MTIF3: variants seen among roughly 807,000 people sequenced by gnomAD.
MTIF3 encodes mitochondrial translational initiation factor 3.
Under a neutral mutation model 20.7 loss-of-function variants are expected in MTIF3, and 13 were observed. The observed-to-expected ratio is 0.63, with a 90% CI of 0.41 to 1.00. The LOEUF (loss-of-function observed/expected upper bound fraction) is 1.00, where lower values mean the gene tolerates loss of function less well. MTIF3 is among the 50% of genes least tolerant of loss of function. The probability of loss-of-function intolerance (pLI) is 0.00; values close to 1 mark genes in which losing one functional copy is unlikely to be tolerated. For synonymous variants in MTIF3, 114 were observed against 112.5 expected (o/e 1.01, Z -0.08); for missense variants, 295 against 324.5 (o/e 0.91, Z 0.70).
At position 27,440,080 on chromosome 13, in the gene MTIF3, T is replaced by C; in HGVS notation, c.369A>G (p.Thr123=). ...TCATGAGCTGATACTCTGCAGGTTC[T>C]GTGCTGGTGTTCCTTTGAACCAGTC... is the stretch of plus-strand genomic sequence containing the variant. ...DLRLVQRNTS[T]EPAEYQLMTG... The change falls in exon 3 of 5, where the codon ACA becomes ACG. Residue 123 remains threonine (T), a synonymous_variant. Transcript: ENST00000381120. 1 of 1,614,240 alleles carries C rather than the reference T, an allele frequency of 6.2e-7. No homozygotes were observed. The highest frequency in any genetic ancestry group is 8.5e-7 in the Non-Finnish European group (1 of 1,180,040).
In MTIF3 at chr13:27,436,965, T is replaced by A. The variant is rs7321233; in HGVS notation, c.618+151A>T. The A allele has an allele frequency of 7.9e-3, 5,108 of 642,630 alleles. 157 individuals are homozygous for A. Among genetic ancestry groups the A allele is most frequent in the African/African-American group, 0.071 (3,876 of 54,414 alleles). 39.8% of individuals were successfully genotyped at this position (642,630 alleles called of 1,614,324 possible). A position where few individuals can be genotyped will look rare whatever the true frequency, so the allele number is the denominator to read the frequency against. ...ACGGGGTTTCACCATGTTAGCCAGG[T>A]TGGTCTCAATCTCCTGATCTCGTGA... On this transcript the variant is annotated intron_variant, in intron 4 of 4. Coordinates refer to ENST00000381120, the MANE Select transcript of MTIF3 (RefSeq NM_152912.5).
chr13:27,440,146 G>C lies in MTIF3; in HGVS notation c.303C>G (p.His101Gln), dbSNP rs1011308597. The change falls in exon 3 of 5, where the codon CAC becomes CAG. Residue 101 changes from histidine (H) to glutamine (Q), a missense_variant. Coordinates refer to ENST00000381120, the MANE Select transcript of MTIF3 (RefSeq NM_152912.5). Reference protein sequence around the residue: ...DEKGNDLGNMHRANVIRLMDE... With the variant: ...DEKGNDLGNMQRANVIRLMDE... ...CCATAAGTCTAATCACATTTGCTCG[G>C]TGCATGTTTCCCAAATCATTGCCCT... 1 of 1,614,074 alleles carries C rather than the reference G, an allele frequency of 6.2e-7. No homozygotes were observed. The highest frequency in any genetic ancestry group is 8.5e-7 in the Non-Finnish European group (1 of 1,180,050).
At chr13:27,446,906 G>A (rs1448909325) in intron 1 of MTIF3, among the ~76,000 whole-genome samples, 1 of 152,148 alleles carries the variant, frequency 6.6e-6, no homozygotes, top group East Asian at 1.9e-4. Flanking sequence ...TTCGGGTGAT[G>A]GTGCACTAAA....
At chr13:27,441,040 T>C in intron 2 of MTIF3, 1 of 160,884 alleles carries the variant, frequency 6.2e-6, no homozygotes, top group Admixed American at 6.2e-5. Flanking sequence ...TGGATCACCA[T>C]AAAGGTCTTC....
chr13:27,444,054 A>T (rs528732465), intron 2 of MTIF3, among the ~76,000 whole-genome samples: 3 of 152,376 alleles, frequency 2.0e-5, no homozygotes, highest in African/African-American at 7.2e-5. Context: ...CTGTAACCCC[A>T]GCACTTTGGG....
At chr13:27,437,549 A>G (rs2892058) in intron 3 of MTIF3, among the ~76,000 whole-genome samples, 10,177 of 152,306 alleles carry the variant, frequency 0.067, 1,065 homozygotes, top group East Asian at 0.46. Context: ...AGTCGTTTAA[A>G]GGATCAAGTT....
intron 2 of MTIF3, 151 bp from the exon 3 acceptor site, chr13:27,440,600 A>C (rs1953974597): frequency 6.1e-6 from 4 of 650,662 alleles, no homozygotes; most frequent in Non-Finnish European, 1.0e-5. Flanking sequence ...AGATCCACAC[A>C]CAGGAAGTCT....
chr13:27,440,602 AG>A (rs747042018), intron 2 of MTIF3, 153 bp from the exon 3 acceptor site: 7 of 648,396 alleles, frequency 1.1e-5, no homozygotes, highest in East Asian at 2.7e-5. Flanking sequence ...ATCCACACAC[AG>A]GAAGTCTACA....
chr13:27,442,615 T>C (rs1285565142), intron 2 of MTIF3, among the ~76,000 whole-genome samples: 1 of 152,216 alleles, frequency 6.6e-6, no homozygotes, highest in African/African-American at 2.4e-5. Context: ...GCCTCCTTGC[T>C]GTTCCTTGTG....
intron 2 of MTIF3, among the ~76,000 whole-genome samples, chr13:27,441,508 A>G (rs1339156783): frequency 1.3e-5 from 2 of 152,238 alleles, no homozygotes; most frequent in Non-Finnish European, 2.9e-5. Context: ...AAGGTAAGGC[A>G]GGTGTTAATT....
chr13:27,441,945 T>C (rs565271405), intron 2 of MTIF3, among the ~76,000 whole-genome samples: 6 of 152,284 alleles, frequency 3.9e-5, no homozygotes, highest in African/African-American at 1.4e-4. Flanking sequence ...ATATGGTAAA[T>C]TCAACAGAAA....
chr13:27,440,034 C>G lies in MTIF3; in HGVS notation c.415G>C (p.Glu139Gln). The change falls in exon 3 of 5, where the codon GAG (glutamate) becomes CAG (glutamine). Residue 139 changes from glutamate (E) to glutamine (Q), a missense_variant. Transcript: ENST00000381120. ...TCCATCTCCCTCAGCCTCTGCCGCTCCTGGAGGATCTGCAATCCTGTCATG... is the reference window on the plus strand; with the variant it reads ...TCCATCTCCCTCAGCCTCTGCCGCTGCTGGAGGATCTGCAATCCTGTCATG... ...QLMTGLQILQERQRLREMEKA... is the reference protein window; with the variant it reads ...QLMTGLQILQQRQRLREMEKA... 1 of 1,614,204 alleles carries G rather than the reference C, an allele frequency of 6.2e-7. No individual in the cohort carries two copies. Among genetic ancestry groups the G allele is most frequent in the Non-Finnish European group, 8.5e-7 (1 of 1,180,034 alleles).
intron 1 of MTIF3, chr13:27,450,178 A>C (rs1238139598): frequency 6.6e-6 from 1 of 152,258 alleles, no homozygotes; most frequent in Non-Finnish European, 1.5e-5. Context: ...AGGGCTAGAG[A>C]CGGGACGTAG....
intron 2 of MTIF3, among the ~76,000 whole-genome samples, chr13:27,442,729 C>T (rs1160940032): frequency 6.6e-6 from 1 of 152,188 alleles, no homozygotes; most frequent in Non-Finnish European, 1.5e-5. Flanking sequence ...CTCGTCTCTG[C>T]TCAAACGCTA....
At chr13:27,449,910 CG>C (rs1954303632) in intron 1 of MTIF3, 1 of 152,266 alleles carries the variant, frequency 6.6e-6, no homozygotes, top group Non-Finnish European at 1.5e-5. Context: ...TCTTAAGCCA[CG>C]GAGCCCACTA....
At chr13:27,438,208 C>T (rs111848743) in intron 3 of MTIF3, among the ~76,000 whole-genome samples, 1 of 150,562 alleles carries the variant, frequency 6.6e-6, no homozygotes, top group African/African-American at 2.4e-5. Flanking sequence ...AGATTGGGGG[C>T]CAGGTGTGCT....
Position 27,435,879 on chromosome 13 carries a change from A to G in MTIF3, c.633T>C (p.His211=), listed in dbSNP as rs1462937503. 3 of 1,611,800 alleles carry G rather than the reference A, an allele frequency of 1.9e-6. No homozygotes were observed. Among genetic ancestry groups the G allele is most frequent in the African/African-American group, 2.7e-5 (2 of 74,840 alleles). Residue 211 remains histidine, a synonymous_variant, in exon 5 of 5, where the codon CAT becomes CAC. Coordinates refer to ENST00000381120, the MANE Select transcript of MTIF3 (RefSeq NM_152912.5). ...TTCCAGGCATAGTCTGGAGTATTTG[A>G]TGAAATATCTCCTCCTAAAAAAGGG... The part of the protein sequence containing the change: ...VSENEMEEIF[H]QILQTMPGIA...
At chr13:27,446,278 G>A (rs553873243) in intron 1 of MTIF3, among the ~76,000 whole-genome samples, 9 of 152,122 alleles carry the variant, frequency 5.9e-5, no homozygotes, top group African/African-American at 1.7e-4. Flanking sequence ...GGCTGGTCTC[G>A]ATCTCCTGAC....
At chr13:27,445,939 T>C (rs1442401961) in intron 1 of MTIF3, among the ~76,000 whole-genome samples, 1 of 151,788 alleles carries the variant, frequency 6.6e-6, no homozygotes, top group African/African-American at 2.4e-5. Context: ...GAAGCTATTC[T>C]TGAGTGAAAA....
Sources: allele counts gnomAD v4.1 joint callset (sites outside exome capture counted in the v4.1 genomes callset), GRCh38; gene constraint gnomAD v4.1.1; transcripts MANE v1.5; gene names NCBI Gene and HGNC (gene_info 2026-07-23, HGNC 2026-07-21).